VPS39: variants seen among roughly 807,000 people sequenced by gnomAD.
VPS39 encodes vam6/Vps39-like protein.
Under a neutral mutation model 121.0 loss-of-function variants are expected in VPS39, and 70 were observed. The ratio of observed to expected loss-of-function variants is 0.58; its 90% CI spans 0.48 to 0.71. VPS39 has a LOEUF of 0.71. VPS39 is among the 30% of genes least tolerant of loss of function. The pLI is 0.00. For missense variants in VPS39, 818 were observed against 1,051.5 expected (o/e 0.78, Z 3.07); for synonymous variants, 378 against 398.1 (o/e 0.95, Z 0.60).
At chr15:42,167,366 G>C in intron 13 of VPS39, 28 bp downstream of exon 13, 5 of 1,612,400 alleles carry the variant, frequency 3.1e-6, no homozygotes, top group Non-Finnish European at 4.2e-6. Context: ...ACTGGGAATT[G>C]TGGCACCCGA....
chr15:42,167,386 T>TA lies in VPS39; in HGVS notation c.1377+7dup. ...GAATTGTGGCACCCGAGCGCTCAGG[T>TA]AACTCACATGGAGATAGCACTTGAG... On this transcript the variant is annotated splice_region_variant and intron_variant, in intron 13 of 24. Transcript: ENST00000318006. 1 of 1,613,952 alleles carries TA rather than the reference T, an allele frequency of 6.2e-7. No individual in the cohort carries two copies. The highest frequency in any genetic ancestry group is 8.5e-7 in the Non-Finnish European group (1 of 1,179,916).
rs201061287 is a variant in VPS39 at position 42,165,040 on chromosome 15, T to C, written c.1853A>G (p.Lys618Arg). 2 of 1,614,252 alleles carry C rather than the reference T, an allele frequency of 1.2e-6. No homozygotes were observed. Among genetic ancestry groups the C allele is most frequent in the Admixed American group, 3.3e-5 (2 of 60,028 alleles). The change falls in exon 18 of 25, where the codon AAG becomes AGG. Residue 618 changes from lysine (K) to arginine (R), a missense_variant. Transcript: ENST00000318006. ...HNCLIQLYCE[K>R]VQGLMKEYLL... Reference sequence around the variant, plus strand: ...ATACTCCTTCATCAGACCTTGCACCTTCTCACAGTATAGCTGGATCAGGCA... The same window carrying C: ...ATACTCCTTCATCAGACCTTGCACCCTCTCACAGTATAGCTGGATCAGGCA...
intron 7 of VPS39, 107 bp from the exon 8 acceptor site, chr15:42,184,807 TG>T: frequency 1.9e-6 from 2 of 1,060,316 alleles, no homozygotes; most frequent in Non-Finnish European, 2.7e-6. Flanking sequence ...TAATATTCCT[TG>T]TTTGACATAA....
chr15:42,173,864 G>A lies in VPS39; in HGVS notation c.961-12C>T. 1 of 1,613,784 alleles carries A rather than the reference G, an allele frequency of 6.2e-7. No homozygotes were observed. The highest frequency in any genetic ancestry group is 8.5e-7 in the Non-Finnish European group (1 of 1,179,776). On this transcript the variant is annotated splice_polypyrimidine_tract_variant and intron_variant, in intron 10 of 24. Coordinates refer to ENST00000318006, the MANE Select transcript of VPS39 (RefSeq NM_015289.5). The stretch of plus-strand genomic sequence containing the variant: ...TCATCTTTCATTTCCTAATAACGGA[G>A]CAGAATATGTAAGAGTTCACTCACT...
At chr15:42,173,359 G>T (rs1418494169) in intron 11 of VPS39, among the ~76,000 whole-genome samples, 2 of 152,210 alleles carry the variant, frequency 1.3e-5, no homozygotes, top group Non-Finnish European at 2.9e-5. Context: ...CCCTGTGTTG[G>T]CTCTCATAAA....
At position 42,208,176 on chromosome 15, in the gene VPS39, CCGCCGTCT is replaced by C. The variant is rs2050217295; in HGVS notation, c.-31_-24del. 1 of 1,558,892 alleles carries C rather than the reference CCGCCGTCT, an allele frequency of 6.4e-7. No individual in the cohort carries two copies. Among genetic ancestry groups the C allele is most frequent in the African/African-American group, 1.4e-5 (1 of 73,350 alleles). ...CATGGCGGCAAGGGGAGAGTTGCCA[CCGCCGTCT>C]CGCCCAGAGTGTTCCGGGCCGGGCT... On this transcript the variant is annotated 5_prime_UTR_variant, in exon 1 of 25. Coordinates refer to ENST00000318006, the MANE Select transcript of VPS39 (RefSeq NM_015289.5).
intron 10 of VPS39, among the ~76,000 whole-genome samples, chr15:42,177,551 T>C (rs1007327676): frequency 5.3e-5 from 8 of 152,252 alleles, no homozygotes. Context: ...CTCTAGTTGT[T>C]GCATTCAACT....
chr15:42,196,082 A>G (rs2049930885), intron 2 of VPS39, among the ~76,000 whole-genome samples: 1 of 152,238 alleles, frequency 6.6e-6, no homozygotes, highest in Non-Finnish European at 1.5e-5. Context: ...AGGATTCCCT[A>G]TTTAATAAAT....
At chr15:42,187,913 TA>T in intron 5 of VPS39, 57 bp from the exon 6 acceptor site, 1 of 1,503,978 alleles carries the variant, frequency 6.6e-7, no homozygotes, top group South Asian at 1.1e-5. Flanking sequence ...AACTGAGTGA[TA>T]ACTAAATTAG....
At chr15:42,206,673 A>G (rs1219482331) in intron 1 of VPS39, among the ~76,000 whole-genome samples, 1 of 152,168 alleles carries the variant, frequency 6.6e-6, no homozygotes, top group Non-Finnish European at 1.5e-5. Context: ...CCATGTTGCA[A>G]TAATAGGCAG....
At chr15:42,194,458 G>T (rs1380854122) in intron 2 of VPS39, among the ~76,000 whole-genome samples, 1 of 151,984 alleles carries the variant, frequency 6.6e-6, no homozygotes, top group Non-Finnish European at 1.5e-5. Flanking sequence ...TAGAAGACAA[G>T]TGTGAAATTC....
chr15:42,178,148 A>G, intron 10 of VPS39, 70 bp downstream of exon 10: 1 of 1,599,738 alleles, frequency 6.3e-7, no homozygotes, highest in South Asian at 1.1e-5. Flanking sequence ...AATAAATATG[A>G]ACATTGAAAC....
intron 8 of VPS39, 129 bp from the exon 9 acceptor site, chr15:42,178,699 G>C: frequency 1.5e-6 from 2 of 1,342,814 alleles, no homozygotes; most frequent in Non-Finnish European, 2.0e-6. Flanking sequence ...TATCAAGCCA[G>C]GATCTTACAC....
chr15:42,186,023 T>A (rs957858281), intron 7 of VPS39, among the ~76,000 whole-genome samples: 1 of 152,200 alleles, frequency 6.6e-6, no homozygotes, highest in African/African-American at 2.4e-5. Context: ...TCTCTCACCA[T>A]CTGTAGGCCT....
At position 42,162,087 on chromosome 15, in the gene VPS39, TG is replaced by T; in HGVS notation, c.2404del (p.Gln802LysfsTer18). On this transcript the variant is annotated frameshift_variant, in exon 23 of 25. Coordinates refer to ENST00000318006, the MANE Select transcript of VPS39 (RefSeq NM_015289.5). LOFTEE classifies it high-confidence loss of function. ...GAGCACTTGATTGAACCGTTTCTTT[TG>T]TGCATTTTCTTCCAAGACCTTTTCC... Reference protein sequence around the residue: ...FLEKVLEENAQKKRFNQVLKN... With the variant: ...FLEKVLEENAXKKRFNQVLKN... 6.2e-7 allele frequency: 1 copy of T among 1,614,244 alleles called. No individual in the cohort carries two copies. The highest frequency in any genetic ancestry group is 8.5e-7 in the Non-Finnish European group (1 of 1,180,046).
At chr15:42,186,368 G>A (rs567621365) in intron 7 of VPS39, among the ~76,000 whole-genome samples, 44 of 152,262 alleles carry the variant, frequency 2.9e-4, no homozygotes, top group African/African-American at 9.4e-4. Flanking sequence ...TTGAGCCCAG[G>A]AGACGGAGGC....
chr15:42,178,797 T>A, intron 8 of VPS39: 1 of 515,958 alleles, frequency 1.9e-6, no homozygotes, highest in East Asian at 3.2e-5. Context: ...AGGCCGGAAG[T>A]TTGAGACCGA....
At chr15:42,177,739 T>C (rs1595658553) in intron 10 of VPS39, among the ~76,000 whole-genome samples, 1 of 152,310 alleles carries the variant, frequency 6.6e-6, no homozygotes, top group Admixed American at 6.5e-5. Context: ...TGATCTTGGC[T>C]CACCGCAACC....
chr15:42,192,852 C>T (rs1294730110), intron 2 of VPS39, among the ~76,000 whole-genome samples: 1 of 152,066 alleles, frequency 6.6e-6, no homozygotes, highest in East Asian at 1.9e-4. Flanking sequence ...AATCTCAGCT[C>T]ACTGCAACAT....
Sources: gnomAD v4.1 joint callset for allele counts (sites outside exome capture counted in the v4.1 genomes callset) on GRCh38, gnomAD v4.1.1 for gene constraint, MANE v1.5 for transcripts, NCBI Gene and HGNC (gene_info 2026-07-23, HGNC 2026-07-21) for gene names.